FAM184B: variants seen among roughly 807,000 people sequenced by gnomAD.
The protein encoded by FAM184B is protein FAM184B.
Under a neutral mutation model 135.9 loss-of-function variants are expected in FAM184B, and 111 were observed. The ratio of observed to expected loss-of-function variants is 0.82; its 90% CI spans 0.70 to 0.96. FAM184B has a LOEUF of 0.96. FAM184B is among the 40% of genes least tolerant of loss of function. The probability of loss-of-function intolerance (pLI) is 0.00; values close to 1 mark genes in which losing one functional copy is unlikely to be tolerated. For missense variants in FAM184B, 1,375 were observed against 1,323.9 expected (o/e 1.04, Z -0.60); for synonymous variants, 552 against 524.8 (o/e 1.05, Z -0.71).
rs1315137942 is a variant in FAM184B, at chr4:17,632,592, T to G, written c.3123A>C (p.Glu1041Asp). Residue 1041 changes from glutamate (E) to aspartate (D), a missense_variant, in exon 18 of 18, where the codon GAA becomes GAC. By Grantham distance (45) the Glu-to-Asp change is conservative (BLOSUM62 2). Transcript: ENST00000265018. ...TPDGETAQAKEVQQKQGSPHQ... is the reference protein window; with the variant it reads ...TPDGETAQAKDVQQKQGSPHQ... ...GCGGAGAGCCCTGTTTCTGCTGGAC[T>G]TCTTTGGCTTGGGCCGTTTCACCAT... The G allele has an allele frequency of 6.4e-7, 1 of 1,551,326 alleles. No individual in the cohort carries two copies. The highest frequency in any genetic ancestry group is 1.2e-5 in the South Asian group (1 of 84,046).
intron 7 of FAM184B, among the ~76,000 whole-genome samples, chr4:17,676,629 G>T (rs965830797): frequency 2.6e-5 from 4 of 152,124 alleles, no homozygotes; most frequent in Non-Finnish European, 5.9e-5. Context: ...TATTGTGGTG[G>T]TCTAGAACTG....
At chr4:17,712,698 A>G (rs975556007) in intron 1 of FAM184B, among the ~76,000 whole-genome samples, 1 of 152,162 alleles carries the variant, frequency 6.6e-6, no homozygotes. Context: ...CCTATCAACC[A>G]TGGAAGAGCT....
At chr4:17,753,354 A>C (rs772669524) in intron 1 of FAM184B, among the ~76,000 whole-genome samples, 1 of 152,234 alleles carries the variant, frequency 6.6e-6, no homozygotes, top group Non-Finnish European at 1.5e-5. Flanking sequence ...AACTTATAAG[A>C]CCAAATTTTA....
chr4:17,709,565 AGC>A lies in FAM184B; in HGVS notation c.219_220del (p.Glu73AspfsTer48), dbSNP rs2108966592. The A allele has an allele frequency of 6.5e-7, 1 of 1,550,210 alleles. No homozygotes were observed. Among genetic ancestry groups the A allele is most frequent in the East Asian group, 2.4e-5 (1 of 40,894 alleles). On this transcript the variant is annotated frameshift_variant, in exon 2 of 18. Transcript: ENST00000265018. LOFTEE classifies it high-confidence loss of function. ...CTTGGTCTCTGCCACCGCATTCTGG[AGC>A]TCCTCCTGGTGCGCTTCCCGCAGCG...
chr4:17,710,267 C>T (rs575920364), intron 1 of FAM184B, among the ~76,000 whole-genome samples: 103 of 152,004 alleles, frequency 6.8e-4, no homozygotes, highest in Non-Finnish European at 1.1e-3. Context: ...GAGGTTGCAG[C>T]GAGCTGAGAT....
chr4:17,646,585 T>A (rs957580249), intron 12 of FAM184B, among the ~76,000 whole-genome samples: 5 of 147,090 alleles, frequency 3.4e-5, no homozygotes, highest in African/African-American at 1.3e-4. Context: ...TGTTGTGGGG[T>A]GGGGGTAGTG....
At chr4:17,754,579 A>G (rs1361581035) in intron 1 of FAM184B, among the ~76,000 whole-genome samples, 1 of 150,192 alleles carries the variant, frequency 6.7e-6, no homozygotes, top group Admixed American at 6.6e-5. Flanking sequence ...AAGGTAAAAG[A>G]AAGAAAAAGA....
At chr4:17,649,350 C>T (rs1381447953) in intron 11 of FAM184B, among the ~76,000 whole-genome samples, 5 of 151,130 alleles carry the variant, frequency 3.3e-5, no homozygotes, top group South Asian at 2.1e-4. Flanking sequence ...TTTGGGAGGC[C>T]GACGTGGGTG....
At chr4:17,667,793 T>G (rs1184515134) in intron 7 of FAM184B, among the ~76,000 whole-genome samples, 1 of 152,260 alleles carries the variant, frequency 6.6e-6, no homozygotes, top group Non-Finnish European at 1.5e-5. Flanking sequence ...TATGCTTGCA[T>G]GCTTGGATGC....
chr4:17,734,065 A>G (rs1717851344), intron 1 of FAM184B, among the ~76,000 whole-genome samples: 1 of 152,230 alleles, frequency 6.6e-6, no homozygotes, highest in South Asian at 2.1e-4. Context: ...AAACTGACAA[A>G]AACAAGCAAT....
chr4:17,745,482 T>C (rs973113906), intron 1 of FAM184B, among the ~76,000 whole-genome samples: 1 of 152,184 alleles, frequency 6.6e-6, no homozygotes, highest in African/African-American at 2.4e-5. Flanking sequence ...CAAAACTCCT[T>C]GAATGTTCGA....
chr4:17,676,839 T>C (rs1263382435), intron 7 of FAM184B, among the ~76,000 whole-genome samples: 1 of 152,128 alleles, frequency 6.6e-6, no homozygotes, highest in Non-Finnish European at 1.5e-5. Context: ...TGTACAGGCT[T>C]GTAGCCTAAC....
At chr4:17,776,828 A>G (rs1284225816) in intron 1 of FAM184B, among the ~76,000 whole-genome samples, 2 of 152,210 alleles carry the variant, frequency 1.3e-5, no homozygotes, top group African/African-American at 4.8e-5. Context: ...GAGGAAAGCT[A>G]GGTGAGTGCA....
intron 8 of FAM184B, among the ~76,000 whole-genome samples, chr4:17,660,293 G>A (rs750200707): frequency 2.6e-4 from 40 of 152,094 alleles, no homozygotes; most frequent in Non-Finnish European, 4.7e-4. Context: ...GGAACCACCT[G>A]ATATCTGTTT....
In FAM184B at chr4:17,747,405, G is replaced by A. The variant is rs139547878; in HGVS notation, c.141+33754C>T. 7.2e-5 allele frequency among the ~76,000 whole-genome samples: 11 copies of A among 152,252 alleles called. No individual in the cohort carries two copies. The East Asian group carries it at 2.1e-3, about 29-fold the overall frequency. The stretch of plus-strand genomic sequence containing the variant: ...GTTTAGCTCCGTTTCTGGCACGGAC[G>A]TTATTTTAGAGATCTGTGATATGGG... On this transcript the variant is annotated intron_variant, in intron 1 of 17. Transcript: ENST00000265018.
chr4:17,663,271 A>C lies in FAM184B; in HGVS notation c.1694+1291T>G, dbSNP rs529885700. Among the ~76,000 whole-genome samples, 41 of 152,232 alleles carry C rather than the reference A, an allele frequency of 2.7e-4. No homozygotes were observed. The South Asian group carries it at 8.1e-3, about 30-fold the overall frequency. On this transcript the variant is annotated intron_variant, in intron 8 of 17. Coordinates refer to ENST00000265018, the MANE Select transcript of FAM184B (RefSeq NM_015688.2). The stretch of plus-strand genomic sequence containing the variant: ...TCTTTTTTAGGGAAGTGCTTGTTTG[A>C]GTATTTTGTCCATTTAAAAAATAGG...
chr4:17,688,680 C>CTTTTTTTT lies in FAM184B; in HGVS notation c.1489-157_1489-150dup, dbSNP rs34337003. On this transcript the variant is annotated intron_variant, in intron 6 of 17. Transcript: ENST00000265018. ...ATTCTACACACACTTCTAGAAATGC[C>CTTTTTTTT]TTTTTTTTTTTTTTTTTTTTTTTTT... 18 of 117,950 alleles carry CTTTTTTTT rather than the reference C, an allele frequency of 1.5e-4. 1 individual carries two copies. Among genetic ancestry groups the CTTTTTTTT allele is most frequent in the East Asian group, 7.2e-4 (3 of 4,180 alleles). 7.3% of individuals were successfully genotyped at this position (117,950 alleles called of 1,614,324 possible).
chr4:17,647,682 G>A lies in FAM184B; in HGVS notation c.2301C>T (p.Ser767=), dbSNP rs1341075142. Residue 767 remains serine, a synonymous_variant, in exon 12 of 18, where the codon AGC becomes AGT. Coordinates refer to ENST00000265018, the MANE Select transcript of FAM184B (RefSeq NM_015688.2). ...ELRALGRQQA[S]SQCPGDSKDH... is the part of the protein sequence containing the mutation. ...CCTTGCTGTCTCCTGGACACTGGCT[G>A]CTGGCTTGCTGTCTGCCCAGAGCCC... 3 of 1,550,792 alleles carry A rather than the reference G, an allele frequency of 1.9e-6. No homozygotes were observed. Among genetic ancestry groups the A allele is most frequent in the Admixed American group, 3.9e-5 (2 of 50,980 alleles).
In FAM184B at chr4:17,631,052, T is replaced by C. The variant is rs1238526060; in HGVS notation, c.*1480A>G. 1.3e-5 allele frequency: 2 copies of C among 152,180 alleles called. No homozygotes were observed. The highest frequency in any genetic ancestry group is 2.9e-5 in the Non-Finnish European group (2 of 68,042). The allele number at this position is 152,180 out of a possible 1,614,324, so 9.4% of individuals were successfully genotyped here. On this transcript the variant is annotated 3_prime_UTR_variant, in exon 18 of 18. Coordinates refer to ENST00000265018, the MANE Select transcript of FAM184B (RefSeq NM_015688.2). Reference sequence around the variant, plus strand: ...ATTGAGTCTTGTCAAATCACATTGCTCTGTCAGAAGGTAAGACAAATCAGT... The same window carrying C: ...ATTGAGTCTTGTCAAATCACATTGCCCTGTCAGAAGGTAAGACAAATCAGT...
Sources: allele counts gnomAD v4.1 joint callset (sites outside exome capture counted in the v4.1 genomes callset), GRCh38; gene constraint gnomAD v4.1.1; transcripts MANE v1.5; gene names NCBI Gene and HGNC (gene_info 2026-07-23, HGNC 2026-07-21).